The following PLXDC2 variants were observed in gnomAD, a reference collection of about 807,000 sequenced individuals.
The protein encoded by PLXDC2 is plexin domain containing 2.
PLXDC2 carries 40 observed loss-of-function variants against 68.9 expected under a neutral mutation model. The ratio of observed to expected loss-of-function variants is 0.58; its 90% CI spans 0.45 to 0.76. The LOEUF is 0.76. Among genes scored for constraint, PLXDC2 ranks in the 30% least tolerant of loss-of-function variants. PLXDC2 has a pLI of 0.00. For missense variants in PLXDC2, 644 were observed against 661.9 expected (o/e 0.97, Z 0.30); for synonymous variants, 243 against 234.2 (o/e 1.04, Z -0.34).
intron 4 of PLXDC2, among the ~76,000 whole-genome samples, chr10:20,100,182 T>C (rs1349307494): frequency 1.3e-5 from 2 of 152,178 alleles, no homozygotes; most frequent in Non-Finnish European, 2.9e-5. Flanking sequence ...ATAATCCTGA[T>C]CATGGAAAAC....
intron 1 of PLXDC2, among the ~76,000 whole-genome samples, chr10:19,913,497 G>C (rs925458904): frequency 6.6e-6 from 1 of 152,076 alleles, no homozygotes; most frequent in African/African-American, 2.4e-5. Context: ...ATTCCTATTA[G>C]TGCATTGCTG....
intron 13 of PLXDC2, among the ~76,000 whole-genome samples, chr10:20,273,609 T>C (rs1835967625): frequency 6.6e-6 from 1 of 152,174 alleles, no homozygotes; most frequent in Admixed American, 6.5e-5. Flanking sequence ...CAATCACATG[T>C]ACAACCACAA....
intron 1 of PLXDC2, among the ~76,000 whole-genome samples, chr10:19,956,886 A>G (rs1014549764): frequency 6.6e-6 from 1 of 152,160 alleles, no homozygotes; most frequent in Admixed American, 6.5e-5. Flanking sequence ...GACCATTTCT[A>G]TTTTATAGAG....
At chr10:20,184,182 A>G (rs1051021523) in intron 9 of PLXDC2, among the ~76,000 whole-genome samples, 4 of 151,656 alleles carry the variant, frequency 2.6e-5, no homozygotes, top group African/African-American at 9.7e-5. Flanking sequence ...TTTCTACTGC[A>G]TTTCCCTGAG....
chr10:19,872,908 A>G (rs1400054762), intron 1 of PLXDC2, among the ~76,000 whole-genome samples: 1 of 152,160 alleles, frequency 6.6e-6, no homozygotes, highest in East Asian at 1.9e-4. Flanking sequence ...AGTGTGCGGG[A>G]AAGAGTCTGG....
At chr10:20,063,903 G>C (rs888471245) in intron 3 of PLXDC2, among the ~76,000 whole-genome samples, 5 of 152,140 alleles carry the variant, frequency 3.3e-5, no homozygotes, top group Non-Finnish European at 7.4e-5. Context: ...ATATGAAGAC[G>C]TAATACTTTT....
intron 2 of PLXDC2, among the ~76,000 whole-genome samples, chr10:20,025,748 T>C (rs201895849): frequency 1.3e-5 from 2 of 152,162 alleles, no homozygotes; most frequent in East Asian, 3.8e-4. Context: ...TGTCTGTTTT[T>C]TACTTATTCA....
chr10:19,901,737 G>A (rs1394969874), intron 1 of PLXDC2, among the ~76,000 whole-genome samples: 3 of 151,960 alleles, frequency 2.0e-5, no homozygotes, highest in East Asian at 1.9e-4. Context: ...GTTCTTGGTC[G>A]TGAAGTCTTT....
At chr10:20,277,972 A>C (rs1415149428) in intron 13 of PLXDC2, among the ~76,000 whole-genome samples, 3 of 152,074 alleles carry the variant, frequency 2.0e-5, no homozygotes, top group African/African-American at 4.8e-5. Context: ...AGCTTATTTC[A>C]CTTAAGATAA....
intron 4 of PLXDC2, among the ~76,000 whole-genome samples, chr10:20,140,387 C>CATATAGATAT (rs147319646): frequency 6.8e-6 from 1 of 147,014 alleles, no homozygotes; most frequent in Non-Finnish European, 1.5e-5. Flanking sequence ...AGAAAAATAA[C>CATATAGATAT]ATATATATAT....
intron 13 of PLXDC2, among the ~76,000 whole-genome samples, chr10:20,255,606 T>C (rs934305246): frequency 6.6e-6 from 1 of 152,142 alleles, no homozygotes; most frequent in Non-Finnish European, 1.5e-5. Context: ...TGTATTCTTT[T>C]CTAGCAAACA....
chr10:20,067,507 G>A (rs540726544), intron 3 of PLXDC2, among the ~76,000 whole-genome samples: 67 of 152,146 alleles, frequency 4.4e-4, no homozygotes, highest in African/African-American at 1.5e-3. Flanking sequence ...CCAACATGGC[G>A]AAACCCCATC....
intron 10 of PLXDC2, among the ~76,000 whole-genome samples, chr10:20,216,581 T>C (rs779557835): frequency 6.6e-6 from 1 of 152,190 alleles, no homozygotes; most frequent in Non-Finnish European, 1.5e-5. Flanking sequence ...ATGATATTTA[T>C]TTAACAATAA....
chr10:19,828,872 A>C (rs544669531), intron 1 of PLXDC2, among the ~76,000 whole-genome samples: 1 of 152,230 alleles, frequency 6.6e-6, no homozygotes, highest in African/African-American at 2.4e-5. Context: ...AGCCTGGCTG[A>C]CTGCAAAGGC....
At chr10:20,196,247 A>G (rs1232514093) in intron 9 of PLXDC2, among the ~76,000 whole-genome samples, 5 of 152,198 alleles carry the variant, frequency 3.3e-5, no homozygotes, top group Non-Finnish European at 5.9e-5. Context: ...TTCATCTATC[A>G]GAAAGAGAAG....
chr10:19,834,795 T>C lies in PLXDC2; in HGVS notation c.112+17604T>C, dbSNP rs746565019. On this transcript the variant is annotated intron_variant, in intron 1 of 13. Coordinates refer to ENST00000377252, the MANE Select transcript of PLXDC2 (RefSeq NM_032812.9). ...GTATCCTATGCGCCTAGCATTGTGA[T>C]GTGAAGGGATACAAAATACAGCCTT... Among the ~76,000 whole-genome samples the C allele has an allele frequency of 2.6e-5, 4 of 152,330 alleles. No homozygotes were observed. In the East Asian group the frequency reaches 5.8e-4, roughly 22 times the overall value.
At position 20,177,020 on chromosome 10, in the gene PLXDC2, A is replaced by G. The variant is rs1218817974; in HGVS notation, c.905A>G (p.Tyr302Cys). Reference protein sequence around the residue: ...QIPNVRRRTIYEYHRVELQMS... With the variant: ...QIPNVRRRTICEYHRVELQMS... ...CTAGATGTTCGAAGAAGAACAATTT[A>G]TGAATACCACCGAGTAGAGCTACAA... Residue 302 changes from tyrosine (Y) to cysteine (C), a missense_variant, in exon 8 of 14, where the codon TAT (tyrosine) becomes TGT (cysteine). Tyr to Cys is a radical substitution (Grantham distance 194). Around this residue, in one of 3 missense-constraint regions of PLXDC2, gnomAD observed 330 missense variants for 327.9 expected, o/e 1.01. Coordinates refer to ENST00000377252, the MANE Select transcript of PLXDC2 (RefSeq NM_032812.9). 5 of 1,610,132 alleles carry G rather than the reference A, an allele frequency of 3.1e-6. No homozygotes were observed. Among genetic ancestry groups the G allele is most frequent in the Non-Finnish European group, 4.2e-6 (5 of 1,178,314 alleles).
chr10:20,140,105 C>T (rs1301852897), intron 4 of PLXDC2, among the ~76,000 whole-genome samples: 1 of 152,012 alleles, frequency 6.6e-6, no homozygotes, highest in Non-Finnish European at 1.5e-5. Context: ...TCGAGACCAT[C>T]CTGGCTAACA....
intron 10 of PLXDC2, among the ~76,000 whole-genome samples, chr10:20,212,962 G>A (rs547030439): frequency 2.0e-5 from 3 of 152,168 alleles, no homozygotes; most frequent in African/African-American, 7.2e-5. Context: ...GATTGAGAAT[G>A]TAATTCAGAT....
Sources: allele counts gnomAD v4.1 joint callset (sites outside exome capture counted in the v4.1 genomes callset), GRCh38; gene constraint gnomAD v4.1.1; regional missense constraint gnomAD v4.1.1; transcripts MANE v1.5; gene names NCBI Gene and HGNC (gene_info 2026-07-23, HGNC 2026-07-21).